FRMD4A: variants seen among roughly 807,000 people sequenced by gnomAD.
FRMD4A encodes the protein FERM domain containing 4A.
FRMD4A carries 29 observed loss-of-function variants against 129.1 expected under a neutral mutation model. The ratio of observed to expected loss-of-function variants is 0.22; its 90% CI spans 0.17 to 0.31. The LOEUF (loss-of-function observed/expected upper bound fraction) is 0.31. FRMD4A is among the 10% of genes least tolerant of loss of function. FRMD4A has a pLI of 1.00. For missense variants in FRMD4A, 1,272 were observed against 1,375.8 expected, an observed-to-expected ratio of 0.92 and a Z score of 1.19; for synonymous variants, 634 against 571.6, an observed-to-expected ratio of 1.11 and a Z score of -1.56.
intron 2 of FRMD4A, among the ~76,000 whole-genome samples, chr10:14,281,743 A>G (rs1229264098): frequency 1.3e-5 from 2 of 152,154 alleles, no homozygotes. Flanking sequence ...CCCCATTTTA[A>G]CTTAGTCATA....
intron 2 of FRMD4A, among the ~76,000 whole-genome samples, chr10:13,888,062 C>T (rs1006036116): frequency 1.3e-5 from 2 of 152,170 alleles, no homozygotes; most frequent in African/African-American, 4.8e-5. Context: ...ATCGTGACTC[C>T]AAAGCCCAAA....
chr10:14,329,881 G>A (rs751407412), intron 2 of FRMD4A, among the ~76,000 whole-genome samples, 177 bp downstream of exon 2: 7 of 152,162 alleles, frequency 4.6e-5, no homozygotes, highest in Non-Finnish European at 8.8e-5. Context: ...TCTTTTCCCT[G>A]CAAGTGCTTT....
intron 2 of FRMD4A, among the ~76,000 whole-genome samples, chr10:14,141,943 A>G (rs528832281): frequency 4.6e-5 from 7 of 152,056 alleles, no homozygotes; most frequent in Non-Finnish European, 7.4e-5. Flanking sequence ...AGCCTAAAAA[A>G]TCTCGTTTCC....
intron 8 of FRMD4A, among the ~76,000 whole-genome samples, chr10:13,755,767 T>G (rs1242071564): frequency 2.0e-5 from 3 of 152,212 alleles, no homozygotes; most frequent in Non-Finnish European, 4.4e-5. Flanking sequence ...TAGCCGACAC[T>G]CACTAAGCTC....
chr10:13,969,785 T>G (rs2095506889), intron 2 of FRMD4A, among the ~76,000 whole-genome samples: 1 of 152,150 alleles, frequency 6.6e-6, no homozygotes, highest in South Asian at 2.1e-4. Context: ...AGGTTGAGGC[T>G]GCAATGAGTC....
chr10:13,943,682 A>G (rs1196470729), intron 2 of FRMD4A, among the ~76,000 whole-genome samples: 2 of 149,122 alleles, frequency 1.3e-5, no homozygotes, highest in Admixed American at 1.3e-4. Flanking sequence ...AAAAAAAAGA[A>G]AAAGAAAAGA....
At chr10:13,859,002 T>C (rs760560072) in intron 2 of FRMD4A, 90 bp from the exon 3 acceptor site, 292 of 805,592 alleles carry the variant, frequency 3.6e-4, no homozygotes, top group Non-Finnish European at 5.8e-4. Context: ...GCCAGGCATA[T>C]TCCTCTGGGC....
intron 2 of FRMD4A, among the ~76,000 whole-genome samples, chr10:13,872,529 A>C (rs576211043): frequency 6.6e-6 from 1 of 152,282 alleles, no homozygotes; most frequent in African/African-American, 2.4e-5. Context: ...GAAAATGTCC[A>C]GGTTCTTACG....
chr10:13,973,763 AAGGC>A (rs1448066172), intron 2 of FRMD4A, among the ~76,000 whole-genome samples: 1 of 151,170 alleles, frequency 6.6e-6, no homozygotes, highest in Non-Finnish European at 1.5e-5. Flanking sequence ...AGGAAGGAGG[AAGGC>A]AGGGAGGGAG....
At chr10:13,803,298 T>C (rs2093294451) in intron 4 of FRMD4A, among the ~76,000 whole-genome samples, 1 of 152,238 alleles carries the variant, frequency 6.6e-6, no homozygotes, top group African/African-American at 2.4e-5. Context: ...GTCTCCACTA[T>C]GTTTTAGTAA....
At chr10:13,804,258 A>G (rs989369243) in intron 4 of FRMD4A, among the ~76,000 whole-genome samples, 3 of 152,340 alleles carry the variant, frequency 2.0e-5, no homozygotes, top group African/African-American at 7.2e-5. Flanking sequence ...CCTATTTCCA[A>G]ATAAATTGCT....
chr10:13,788,425 C>T (rs1456002452), intron 5 of FRMD4A, among the ~76,000 whole-genome samples: 1 of 152,198 alleles, frequency 6.6e-6, no homozygotes, highest in African/African-American at 2.4e-5. Flanking sequence ...CAATTGTTTC[C>T]CGGCTCCCCA....
At chr10:13,732,346 A>AG (rs1327463463) in intron 12 of FRMD4A, among the ~76,000 whole-genome samples, 7 of 151,906 alleles carry the variant, frequency 4.6e-5, no homozygotes, top group African/African-American at 1.5e-4. Context: ...GATGAGGGGT[A>AG]GGTCATATGG....
rs202202383 is a variant in FRMD4A, at chr10:13,664,580, CTT to C, written c.1604-1073_1604-1072del. On this transcript the variant is annotated intron_variant, in intron 18 of 24. Coordinates refer to ENST00000357447, the MANE Select transcript of FRMD4A (RefSeq NM_018027.5). ...AGCTCTGACTTCGGCATCTTGGAAT[CTT>C]CAGCACATCACTGCTACGCTAGGAT... is the stretch of plus-strand genomic sequence containing the variant. Among the ~76,000 whole-genome samples, 35 of 152,336 alleles carry C rather than the reference CTT, an allele frequency of 2.3e-4. No homozygotes were observed. In the East Asian group the frequency reaches 6.6e-3, roughly 29 times the overall value.
At chr10:13,707,472 A>C in intron 12 of FRMD4A, 1 of 1,021,292 alleles carries the variant, frequency 9.8e-7, no homozygotes, top group Non-Finnish European at 1.2e-6. Flanking sequence ...GACCGGGGAG[A>C]GGGACCCAGC....
intron 2 of FRMD4A, among the ~76,000 whole-genome samples, chr10:14,056,775 A>G (rs1295377672): frequency 6.6e-6 from 1 of 152,206 alleles, no homozygotes; most frequent in Non-Finnish European, 1.5e-5. Context: ...GGCATTTCAC[A>G]TCCAAGCTCT....
rs192606891 is a variant in FRMD4A, at chr10:14,262,835, A to G, written c.45+67223T>C. Among the ~76,000 whole-genome samples the G allele has an allele frequency of 6.6e-5, 10 of 152,332 alleles. No individual in the cohort carries two copies. In the East Asian group the frequency reaches 1.7e-3, roughly 26 times the overall value. ...TGTAGGTGCACTCAGCATCAGCACA[A>G]TGTAAGTCTATCTTAAAGCACATTT... On this transcript the variant is annotated intron_variant, in intron 2 of 24. Coordinates refer to ENST00000357447, the MANE Select transcript of FRMD4A (RefSeq NM_018027.5).
chr10:13,761,760 C>T (rs2092083123), intron 7 of FRMD4A, 91 bp from the exon 8 acceptor site: 3 of 855,882 alleles, frequency 3.5e-6, no homozygotes, highest in Non-Finnish European at 5.7e-6. Context: ...AGTTTCTCTA[C>T]TGAATGAGAT....
intron 4 of FRMD4A, among the ~76,000 whole-genome samples, chr10:13,803,376 G>C (rs1469690233): frequency 6.6e-6 from 1 of 152,140 alleles, no homozygotes; most frequent in Non-Finnish European, 1.5e-5. Flanking sequence ...CTGTTGCCCA[G>C]GCTGGAGTGC....
Sources: gnomAD v4.1 joint callset for allele counts (sites outside exome capture counted in the v4.1 genomes callset) on GRCh38, gnomAD v4.1.1 for gene constraint, MANE v1.5 for transcripts, NCBI Gene and HGNC (gene_info 2026-07-23, HGNC 2026-07-21) for gene names.